The following MARCHF4 variants were observed in gnomAD, a reference collection of about 807,000 sequenced individuals.
MARCHF4 encodes membrane associated ring-CH-type finger 4, also known as E3 ubiquitin-protein ligase MARCHF4.
Under a neutral mutation model 43.9 loss-of-function variants are expected in MARCHF4, and 14 were observed. That is an observed-to-expected ratio of 0.32 (90% CI 0.21 to 0.50). The LOEUF (loss-of-function observed/expected upper bound fraction) is 0.50. Among genes scored for constraint, MARCHF4 ranks in the 20% least tolerant of loss-of-function variants. MARCHF4 has a pLI of 0.98. For missense variants in MARCHF4, 468 were observed against 536.7 expected, an observed-to-expected ratio of 0.87 and a Z score of 1.27; for synonymous variants, 226 against 213.3, an observed-to-expected ratio of 1.06 and a Z score of -0.52.
intron 1 of MARCHF4, among the ~76,000 whole-genome samples, chr2:216,355,792 C>T (rs1169872976): frequency 6.6e-6 from 1 of 152,246 alleles, no homozygotes; most frequent in Non-Finnish European, 1.5e-5. Flanking sequence ...AAGGCTGGAG[C>T]AGCCAAATGG....
At chr2:216,297,181 GC>G (rs1691410298) in intron 1 of MARCHF4, among the ~76,000 whole-genome samples, 1 of 152,184 alleles carries the variant, frequency 6.6e-6, no homozygotes, top group African/African-American at 2.4e-5. Context: ...TGTCATCTTG[GC>G]AATTTTATTT....
chr2:216,303,906 T>C (rs1284105286), intron 1 of MARCHF4, among the ~76,000 whole-genome samples: 1 of 152,182 alleles, frequency 6.6e-6, no homozygotes, highest in African/African-American at 2.4e-5. Context: ...AAGCAGGAGT[T>C]CTTTGTAAAG....
Position 216,319,091 on chromosome 2 carries a change from T to G in MARCHF4, c.517-35362A>C, listed in dbSNP as rs184120588. 5.1e-3 allele frequency among the ~76,000 whole-genome samples: 777 copies of G among 152,210 alleles called. 5 individuals carry two copies. Among genetic ancestry groups the G allele is most frequent in the Middle Eastern group, 0.014 (4 of 294 alleles). On this transcript the variant is annotated intron_variant, in intron 1 of 3. Coordinates refer to ENST00000273067, the MANE Select transcript of MARCHF4 (RefSeq NM_020814.3). ...GCGGGGCTGAGGCAGGCGGATCACT[T>G]GAGGTCAGGAGTTCAAAACCAGCCT...
chr2:216,287,270 T>A (rs180731902), intron 1 of MARCHF4, among the ~76,000 whole-genome samples: 1 of 152,162 alleles, frequency 6.6e-6, no homozygotes, highest in East Asian at 1.9e-4. Flanking sequence ...AATTAAGGCG[T>A]GCTTACTAAT....
chr2:216,341,119 G>A (rs1261359302), intron 1 of MARCHF4, among the ~76,000 whole-genome samples: 3 of 152,224 alleles, frequency 2.0e-5, no homozygotes, highest in Admixed American at 1.3e-4. Context: ...GGAGGAGGCA[G>A]TGAGCAGTGC....
chr2:216,325,443 T>G (rs1236232874), intron 1 of MARCHF4, among the ~76,000 whole-genome samples: 1 of 152,174 alleles, frequency 6.6e-6, no homozygotes, highest in Non-Finnish European at 1.5e-5. Flanking sequence ...AATGACTTTC[T>G]TCACAGAATT....
chr2:216,289,233 A>ACCCCCCCCCCCCCCCCCC (rs199838607), intron 1 of MARCHF4, among the ~76,000 whole-genome samples: 1 of 102,602 alleles, frequency 9.7e-6, no homozygotes, highest in African/African-American at 3.8e-5. Context: ...TTTCTTCCCC[A>ACCCCCCCCCCCCCCCCCC]CCCGCCCCCC....
In MARCHF4 at chr2:216,320,337, T is replaced by C. The variant is rs13390051; in HGVS notation, c.517-36608A>G. ...AGTGAATAATAAACACTTCCAGTGA[T>C]TGAGTCCTTACTAAAGGCCAGGTTC... On this transcript the variant is annotated intron_variant, in intron 1 of 3. Coordinates refer to ENST00000273067, the MANE Select transcript of MARCHF4 (RefSeq NM_020814.3). Among the ~76,000 whole-genome samples, 1,420 of 152,356 alleles carry C rather than the reference T, an allele frequency of 9.3e-3. 15 individuals are homozygous for C. Among genetic ancestry groups the C allele is most frequent in the African/African-American group, 0.033 (1,355 of 41,580 alleles).
intron 1 of MARCHF4, among the ~76,000 whole-genome samples, chr2:216,335,350 T>C (rs902731137): frequency 2.6e-5 from 4 of 152,066 alleles, no homozygotes; most frequent in African/African-American, 9.7e-5. Flanking sequence ...TGATAGAAAA[T>C]GGCACGCAGG....
In MARCHF4 at chr2:216,283,708, G is replaced by A. The variant is rs764904917; in HGVS notation, c.538C>T (p.Arg180Cys). Reference protein sequence around the residue: ...PEQGELLSPCRCDGSVKCTHQ... With the variant: ...PEQGELLSPCCCDGSVKCTHQ... Reference sequence around the variant, plus strand: ...GTGCACTTGACCGAGCCATCACAGCGGCATGGGCTCAGCAGCTCCCCCTGC... The same window carrying A: ...GTGCACTTGACCGAGCCATCACAGCAGCATGGGCTCAGCAGCTCCCCCTGC... Residue 180 changes from arginine to cysteine, a missense_variant, in exon 2 of 4, where the codon CGC becomes TGC. Transcript: ENST00000273067. The A allele has an allele frequency of 1.9e-6, 3 of 1,608,100 alleles. No homozygotes were observed. The highest frequency in any genetic ancestry group is 2.6e-6 in the Non-Finnish European group (3 of 1,175,168).
intron 1 of MARCHF4, among the ~76,000 whole-genome samples, chr2:216,363,683 G>A (rs1284047393): frequency 6.6e-6 from 1 of 152,080 alleles, no homozygotes; most frequent in Non-Finnish European, 1.5e-5. Flanking sequence ...GGTCCATAAT[G>A]GTGTCTGTTG....
At chr2:216,295,259 T>TTTGTA (rs1368724946) in intron 1 of MARCHF4, among the ~76,000 whole-genome samples, 2 of 152,140 alleles carry the variant, frequency 1.3e-5, no homozygotes, top group Non-Finnish European at 2.9e-5. Flanking sequence ...GTTTTTGTTT[T>TTTGTA]TTGTTTTGTT....
At position 216,338,010 on chromosome 2, in the gene MARCHF4, A is replaced by G. The variant is rs143190775; in HGVS notation, c.516+31735T>C. 1.9e-3 allele frequency among the ~76,000 whole-genome samples: 294 copies of G among 152,330 alleles called. 3 individuals carry two copies. The highest frequency in any genetic ancestry group is 6.7e-3 in the African/African-American group (279 of 41,560). On this transcript the variant is annotated intron_variant, in intron 1 of 3. Coordinates refer to ENST00000273067, the MANE Select transcript of MARCHF4 (RefSeq NM_020814.3). ...ATAAAAGTATGAGCAAAGTGGTCTA[A>G]GATCACAGAGGTCAGCAGTGACTTC...
chr2:216,282,681 G>C (rs756380206), intron 2 of MARCHF4, among the ~76,000 whole-genome samples: 1 of 152,174 alleles, frequency 6.6e-6, no homozygotes, highest in Non-Finnish European at 1.5e-5. Flanking sequence ...GGGTGGCACA[G>C]GCCTGCCAGC....
intron 1 of MARCHF4, among the ~76,000 whole-genome samples, chr2:216,367,200 G>A (rs1692680047): frequency 6.6e-6 from 1 of 152,098 alleles, no homozygotes; most frequent in East Asian, 1.9e-4. Flanking sequence ...TACTAAGATT[G>A]CAGCCCACAT....
intron 3 of MARCHF4, among the ~76,000 whole-genome samples, chr2:216,263,551 GAAAGA>G (rs1690787776): frequency 6.6e-6 from 1 of 151,206 alleles, no homozygotes; most frequent in African/African-American, 2.4e-5. Flanking sequence ...GAGAGAGAGA[GAAAGA>G]AGAAAAAGAA....
chr2:216,264,206 C>T (rs1349944677), intron 3 of MARCHF4, among the ~76,000 whole-genome samples: 22 of 152,164 alleles, frequency 1.4e-4, no homozygotes. Flanking sequence ...AAGAGGTAGT[C>T]TCAGGGGTTT....
intron 3 of MARCHF4, among the ~76,000 whole-genome samples, chr2:216,260,190 CAGAG>C (rs1690718264): frequency 6.6e-6 from 1 of 152,184 alleles, no homozygotes; most frequent in African/African-American, 2.4e-5. Flanking sequence ...TTATATCTGC[CAGAG>C]GCAGTGATAG....
At chr2:216,341,208 C>T (rs999546348) in intron 1 of MARCHF4, among the ~76,000 whole-genome samples, 2 of 152,232 alleles carry the variant, frequency 1.3e-5, no homozygotes, top group Non-Finnish European at 2.9e-5. Flanking sequence ...CTTCCATGTC[C>T]TGACTGAGAT....
Sources: gnomAD v4.1 joint callset for allele counts (sites outside exome capture counted in the v4.1 genomes callset) on GRCh38, gnomAD v4.1.1 for gene constraint, MANE v1.5 for transcripts, NCBI Gene and HGNC (gene_info 2026-07-23, HGNC 2026-07-21) for gene names.